DAB1: variants seen among roughly 807,000 people sequenced by gnomAD.
The protein encoded by DAB1 is disabled homolog 1.
DAB1 carries 15 observed loss-of-function variants against 64.6 expected under a neutral mutation model. The ratio of observed to expected loss-of-function variants is 0.23; its 90% CI spans 0.16 to 0.36. The LOEUF (loss-of-function observed/expected upper bound fraction) is 0.36, where lower values mean the gene tolerates loss of function less well. DAB1 is among the 10% of genes least tolerant of loss of function. DAB1 has a pLI of 1.00. For synonymous variants in DAB1, 235 were observed against 251.9 expected (o/e 0.93, Z 0.64); for missense variants, 596 against 706.7 (o/e 0.84, Z 1.78).
At chr1:57,088,139 C>T (rs549261944) in intron 4 of DAB1, among the ~76,000 whole-genome samples, 19 of 152,312 alleles carry the variant, frequency 1.2e-4, no homozygotes, top group Admixed American at 4.6e-4. Context: ...GGCCCAAACT[C>T]GGCTCACTAC....
intron 4 of DAB1, among the ~76,000 whole-genome samples, chr1:58,207,269 T>A (rs1410802922): frequency 1.3e-5 from 2 of 152,220 alleles, no homozygotes; most frequent in Admixed American, 1.3e-4. Flanking sequence ...CAGCAATAGC[T>A]AACTGGTACA....
At chr1:58,124,157 A>C (rs1344211178) in intron 5 of DAB1, among the ~76,000 whole-genome samples, 1 of 151,842 alleles carries the variant, frequency 6.6e-6, no homozygotes, top group Non-Finnish European at 1.5e-5. Flanking sequence ...CGTGGAATAA[A>C]ATAGTTGCTA....
intron 4 of DAB1, among the ~76,000 whole-genome samples, chr1:58,275,285 A>T (rs1422164525): frequency 6.6e-6 from 1 of 152,222 alleles, no homozygotes; most frequent in Non-Finnish European, 1.5e-5. Context: ...GATTTCTTGG[A>T]TATTACGCCG....
intron 2 of DAB1, among the ~76,000 whole-genome samples, chr1:57,151,917 G>T (rs1230691477): frequency 6.8e-6 from 1 of 148,084 alleles, no homozygotes; most frequent in African/African-American, 2.5e-5. Flanking sequence ...AGGTTCAAGC[G>T]ATTCTCCCGC....
At chr1:58,010,437 G>A (rs772053024) in intron 5 of DAB1, among the ~76,000 whole-genome samples, 2 of 152,096 alleles carry the variant, frequency 1.3e-5, no homozygotes, top group Non-Finnish European at 2.9e-5. Context: ...CACATGCTTG[G>A]AAGAACACAC....
chr1:57,419,863 G>A (rs1684765859), intron 1 of DAB1, among the ~76,000 whole-genome samples: 1 of 152,274 alleles, frequency 6.6e-6, no homozygotes, highest in Non-Finnish European at 1.5e-5. Context: ...CAGAAACGAA[G>A]TCCAGACTCC....
At chr1:57,700,779 A>G (rs1346174297) in intron 6 of DAB1, among the ~76,000 whole-genome samples, 3 of 152,114 alleles carry the variant, frequency 2.0e-5, no homozygotes, top group Non-Finnish European at 4.4e-5. Context: ...TATGCTTTCT[A>G]TCCCTTGCTC....
intron 7 of DAB1, among the ~76,000 whole-genome samples, chr1:57,487,420 A>G (rs767356294): frequency 9.2e-5 from 14 of 152,122 alleles, no homozygotes; most frequent in Non-Finnish European, 1.8e-4. Context: ...ACCACTGTAG[A>G]TCCTTCACCA....
chr1:57,630,216 C>T (rs1179255789), intron 7 of DAB1, among the ~76,000 whole-genome samples: 3 of 152,066 alleles, frequency 2.0e-5, no homozygotes, highest in African/African-American at 4.8e-5. Flanking sequence ...GAAGTGACTT[C>T]GGATTTCAAT....
intron 5 of DAB1, among the ~76,000 whole-genome samples, chr1:57,975,361 G>A (rs1489625574): frequency 6.6e-6 from 1 of 152,200 alleles, no homozygotes; most frequent in Admixed American, 6.5e-5. Context: ...GGTGTTGAGT[G>A]TTTAAAGAGG....
chr1:57,460,513 T>A (rs1454429356), intron 7 of DAB1, among the ~76,000 whole-genome samples: 1 of 152,344 alleles, frequency 6.6e-6, no homozygotes, highest in East Asian at 1.9e-4. Context: ...TCAAGTGTTA[T>A]GCTTTTGCAA....
At position 56,995,578 on chromosome 1, in the gene DAB1, A is replaced by T. The variant is rs1645586813; in HGVS notation, c.*2566T>A. 6.6e-6 allele frequency: 1 copy of T among 152,186 alleles called. No homozygotes were observed. Among genetic ancestry groups the T allele is most frequent in the Non-Finnish European group, 1.5e-5 (1 of 68,036 alleles). 9.4% of individuals were successfully genotyped at this position (152,186 alleles called of 1,614,324 possible). A position where few individuals can be genotyped will look rare whatever the true frequency, so the allele number is the denominator to read the frequency against. On this transcript the variant is annotated 3_prime_UTR_variant, in exon 15 of 15. Transcript: ENST00000371236. ...CCTGGACTTTCACCTTCTGCTAGGA[A>T]ATTAACTCCAGATGGTATACCTGAA...
chr1:57,256,650 G>A (rs924312919), intron 2 of DAB1, among the ~76,000 whole-genome samples: 44 of 152,292 alleles, frequency 2.9e-4, no homozygotes, highest in African/African-American at 9.6e-4. Context: ...CTTATGCCTT[G>A]CTTCCTTTTA....
chr1:58,052,337 C>G (rs1015040720), intron 5 of DAB1, among the ~76,000 whole-genome samples: 1 of 152,166 alleles, frequency 6.6e-6, no homozygotes, highest in Non-Finnish European at 1.5e-5. Flanking sequence ...TCAGGTTTGT[C>G]AAAGATCAGA....
intron 4 of DAB1, among the ~76,000 whole-genome samples, chr1:58,265,164 T>A (rs919005090): frequency 6.6e-6 from 1 of 152,156 alleles, no homozygotes. Flanking sequence ...TTCAAAAGAA[T>A]CCTTTAGGAA....
chr1:58,232,144 C>A (rs931731324), intron 4 of DAB1, among the ~76,000 whole-genome samples: 1 of 152,160 alleles, frequency 6.6e-6, no homozygotes, highest in Non-Finnish European at 1.5e-5. Context: ...GCAATTCCAA[C>A]CAAAAGCCAA....
intron 12 of DAB1, among the ~76,000 whole-genome samples, chr1:57,012,505 A>G (rs1309352752): frequency 1.3e-5 from 2 of 152,170 alleles, no homozygotes; most frequent in Non-Finnish European, 2.9e-5. Flanking sequence ...ATCCAGTCCA[A>G]CTGTGCTTTT....
chr1:58,518,141 G>C (rs1382774866), intron 2 of DAB1, among the ~76,000 whole-genome samples: 1 of 146,524 alleles, frequency 6.8e-6, no homozygotes, highest in Admixed American at 6.9e-5. Context: ...AGCTGAGATC[G>C]CGCCATTGCA....
At chr1:57,014,146 C>T (rs1342432) in intron 12 of DAB1, among the ~76,000 whole-genome samples, 6,674 of 152,242 alleles carry the variant, frequency 0.044, 151 homozygotes, top group African/African-American at 0.064. Context: ...AATAACCCAT[C>T]GCTTACACAG....
Sources: allele counts gnomAD v4.1 joint callset (sites outside exome capture counted in the v4.1 genomes callset), GRCh38; gene constraint gnomAD v4.1.1; transcripts MANE v1.5; gene names NCBI Gene and HGNC (gene_info 2026-07-23, HGNC 2026-07-21).